The following TLL2 variants were observed in gnomAD, a reference collection of about 807,000 sequenced individuals.
TLL2 encodes the protein tolloid-like protein 2.
A neutral mutation model predicts 123.0 loss-of-function variants in TLL2; 106 were observed. The observed-to-expected ratio is 0.86, with a 90% CI of 0.74 to 1.01. The LOEUF is 1.01. Ranked by LOEUF, TLL2 falls within the 50% of genes least tolerant of loss-of-function variation. The pLI, the probability that TLL2 is intolerant of heterozygous loss-of-function variation, is 0.00. For synonymous variants in TLL2, 494 were observed against 516.8 expected (o/e 0.96, Z 0.60); for missense variants, 1,332 against 1,336.7 (o/e 1.00, Z 0.06).
At chr10:96,369,110 C>T (rs141694708) in intron 20 of TLL2, among the ~76,000 whole-genome samples, 3 of 152,312 alleles carry the variant, frequency 2.0e-5, no homozygotes, top group African/African-American at 4.8e-5. Flanking sequence ...GAAGCTTGAG[C>T]GACCGGGCCT....
chr10:96,386,288 A>T (rs1338570228), intron 14 of TLL2, 73 bp from the exon 15 acceptor site: 27 of 1,407,008 alleles, frequency 1.9e-5, no homozygotes, highest in Non-Finnish European at 2.4e-5. Context: ...ACCAGGAGCA[A>T]TAGAGCCTTG....
chr10:96,430,373 G>A lies in TLL2; in HGVS notation c.521-1625C>T, dbSNP rs186142733. Among the ~76,000 whole-genome samples, 67 of 152,280 alleles carry A rather than the reference G, an allele frequency of 4.4e-4. No individual in the cohort carries two copies. The East Asian group carries it at 0.012, about 28-fold the overall frequency. ...TGCAAGCTTCCTGAGGCCTCACCAG[G>A]AGCAGATATGCTGCCACCATGCTTC... On this transcript the variant is annotated intron_variant, in intron 4 of 20. Transcript: ENST00000357947.
At chr10:96,493,856 AGAAGGCAG>A (rs1847441989) in intron 1 of TLL2, among the ~76,000 whole-genome samples, 1 of 152,236 alleles carries the variant, frequency 6.6e-6, no homozygotes, top group African/African-American at 2.4e-5. Flanking sequence ...AAGGCCTAGA[AGAAGGCAG>A]GAAGGCCACC....
intron 2 of TLL2, among the ~76,000 whole-genome samples, chr10:96,451,703 A>G (rs1252288908): frequency 2.6e-5 from 4 of 152,078 alleles, no homozygotes; most frequent in South Asian, 2.1e-4. Flanking sequence ...CCCCAAGCCA[A>G]TTTTCTAAGG....
At chr10:96,420,934 A>T (rs775779798) in intron 7 of TLL2, 22 bp downstream of exon 7, 16 of 1,608,420 alleles carry the variant, frequency 9.9e-6, no homozygotes, top group Non-Finnish European at 1.3e-5. Context: ...AACACAGACG[A>T]GGCATAAGCA....
At chr10:96,421,589 G>A (rs34858789) in intron 6 of TLL2, among the ~76,000 whole-genome samples, 49,617 of 150,830 alleles carry the variant, frequency 0.33, 8,165 homozygotes, top group Non-Finnish European at 0.36. Context: ...GTGTGAACCC[G>A]GGAGACGGAG....
intron 1 of TLL2, among the ~76,000 whole-genome samples, chr10:96,512,051 T>G (rs922934336): frequency 2.6e-5 from 4 of 152,120 alleles, no homozygotes; most frequent in Non-Finnish European, 5.9e-5. Flanking sequence ...AGGAACCAAC[T>G]CCTCTGCCCA....
chr10:96,434,343 C>T (rs964657075), intron 3 of TLL2, among the ~76,000 whole-genome samples: 5 of 152,194 alleles, frequency 3.3e-5, no homozygotes, highest in Non-Finnish European at 5.9e-5. Context: ...CATTAACAGT[C>T]ACTCCCCATC....
At chr10:96,413,885 T>C (rs764529705) in intron 7 of TLL2, among the ~76,000 whole-genome samples, 2 of 152,070 alleles carry the variant, frequency 1.3e-5, no homozygotes, top group Non-Finnish European at 2.9e-5. Flanking sequence ...AGCCCTGGAC[T>C]AGAGATTTCT....
In TLL2 at chr10:96,483,110, A is replaced by G. The variant is rs139511579; in HGVS notation, c.176-2651T>C. Among the ~76,000 whole-genome samples the G allele has an allele frequency of 4.1e-4, 63 of 152,376 alleles. No individual in the cohort carries two copies. In the East Asian group the frequency reaches 0.011, roughly 26 times the overall value. On this transcript the variant is annotated intron_variant, in intron 1 of 20. Coordinates refer to ENST00000357947, the MANE Select transcript of TLL2 (RefSeq NM_012465.4). Reference sequence around the variant, plus strand: ...CGTAGGACCAAAAAAAGTCATTAGCATGGCCTATAAGAGGCTGCTAATGTT... The same window carrying G: ...CGTAGGACCAAAAAAAGTCATTAGCGTGGCCTATAAGAGGCTGCTAATGTT...
Position 96,433,517 on chromosome 10 carries a change from G to C in TLL2, c.365-555C>G, listed in dbSNP as rs373318300. On this transcript the variant is annotated intron_variant, in intron 3 of 20. Transcript: ENST00000357947. The stretch of plus-strand genomic sequence containing the variant: ...ACAGGAGTGTGGCAAACACAAGGAG[G>C]TTCGATGGAAGGTTCTGAGTCCACG... 5.3e-5 allele frequency among the ~76,000 whole-genome samples: 8 copies of C among 152,258 alleles called. No individual in the cohort carries two copies. The East Asian group carries it at 5.8e-4, about 11-fold the overall frequency.
chr10:96,373,921 G>C (rs762825378), intron 18 of TLL2, 112 bp from the exon 19 acceptor site: 1 of 894,048 alleles, frequency 1.1e-6, no homozygotes, highest in Non-Finnish European at 1.7e-6. Context: ...GAGACGTCCA[G>C]CTGGCTGTGC....
chr10:96,405,413 T>A, intron 9 of TLL2, 79 bp from the exon 10 acceptor site: 1 of 1,313,398 alleles, frequency 7.6e-7, no homozygotes, highest in Admixed American at 1.7e-5. Flanking sequence ...ATACTGGTGT[T>A]CTCACGTTAC....
intron 7 of TLL2, among the ~76,000 whole-genome samples, chr10:96,417,188 G>C (rs1437128176): frequency 6.6e-6 from 1 of 152,186 alleles, no homozygotes; most frequent in Non-Finnish European, 1.5e-5. Flanking sequence ...TCCAACATGA[G>C]GTACAGGCCA....
chr10:96,417,497 C>A (rs1019154111), intron 7 of TLL2, among the ~76,000 whole-genome samples: 15 of 152,354 alleles, frequency 9.8e-5, no homozygotes, highest in Non-Finnish European at 2.1e-4. Context: ...TTCCATACCT[C>A]CCAGTAAGAG....
At chr10:96,455,375 G>T (rs972195157) in intron 2 of TLL2, among the ~76,000 whole-genome samples, 2 of 152,182 alleles carry the variant, frequency 1.3e-5, no homozygotes, top group Non-Finnish European at 1.5e-5. Flanking sequence ...TGTCAGAGGC[G>T]TTTGAATCAG....
In TLL2 at chr10:96,413,232, C is replaced by G; in HGVS notation, c.1008G>C (p.Gln336His). 1.2e-6 allele frequency: 2 copies of G among 1,614,184 alleles called. No homozygotes were observed. Among genetic ancestry groups the G allele is most frequent in the Non-Finnish European group, 1.7e-6 (2 of 1,180,012 alleles). The change falls in exon 8 of 21, where the codon CAG becomes CAC. Residue 336 changes from glutamine to histidine, a missense_variant. Gln to His is a conservative substitution (Grantham distance 24). Coordinates refer to ENST00000357947, the MANE Select transcript of TLL2 (RefSeq NM_012465.4). Reference protein sequence around the residue: ...PTIGQRVRLSQGDIAQARKLY... With the variant: ...PTIGQRVRLSHGDIAQARKLY... The stretch of plus-strand genomic sequence containing the variant: ...GCTTCCGGGCTTGAGCTATGTCTCC[C>G]TGACTGAGCCGCACGCGCTGGCCAA...
chr10:96,470,584 G>A (rs1847169736), intron 2 of TLL2, among the ~76,000 whole-genome samples: 1 of 152,206 alleles, frequency 6.6e-6, no homozygotes, highest in Non-Finnish European at 1.5e-5. Context: ...GTGATGGAGA[G>A]CCTAAGTCGT....
chr10:96,496,936 G>A lies in TLL2; in HGVS notation c.176-16477C>T, dbSNP rs190026244. On this transcript the variant is annotated intron_variant, in intron 1 of 20. Transcript: ENST00000357947. ...GCCATTAGCAGGAGGTGTGGAGTGG[G>A]GAGGGGGTTGCCTGTGCCACACATT... 1.6e-4 allele frequency among the ~76,000 whole-genome samples: 24 copies of A among 152,290 alleles called. No homozygotes were observed. In the East Asian group the frequency reaches 4.6e-3, roughly 29 times the overall value.
Sources: gnomAD v4.1 joint callset for allele counts (sites outside exome capture counted in the v4.1 genomes callset) on GRCh38, gnomAD v4.1.1 for gene constraint, MANE v1.5 for transcripts, NCBI Gene and HGNC (gene_info 2026-07-23, HGNC 2026-07-21) for gene names.